The following CYP2J2 variants were observed in gnomAD, a reference collection of about 807,000 sequenced individuals.
CYP2J2 encodes cytochrome P450 2J2.
A neutral mutation model predicts 48.8 loss-of-function variants in CYP2J2; 41 were observed. The observed-to-expected ratio is 0.84, with a 90% confidence interval of 0.66 to 1.09. CYP2J2 has a LOEUF of 1.09. Among genes scored for constraint, CYP2J2 ranks in the 50% least tolerant of loss-of-function variants. CYP2J2 has a pLI of 0.00. For missense variants in CYP2J2, 644 were observed against 617.3 expected, an observed-to-expected ratio of 1.04 and a Z score of -0.46; for synonymous variants, 221 against 227.1, an observed-to-expected ratio of 0.97 and a Z score of 0.24.
the CYP2J2 span, among the ~76,000 whole-genome samples, chr1:59,947,386 T>C: frequency 3.2e-3 from 481 of 152,282 alleles, 7 homozygotes; most frequent in Admixed American, 0.028. Context: ...GCAGAAAAAG[T>C]GCATTCCCCT....
the CYP2J2 span, among the ~76,000 whole-genome samples, chr1:59,960,971 T>C: frequency 6.6e-5 from 10 of 152,308 alleles, no homozygotes; most frequent in Non-Finnish European, 1.0e-4. Flanking sequence ...CTCCACTTCA[T>C]ACTATACACA....
intron 7 of CYP2J2, among the ~76,000 whole-genome samples, chr1:59,903,552 A>C (rs541005665): frequency 6.6e-6 from 1 of 152,282 alleles, no homozygotes. Flanking sequence ...GGGTTGAAAA[A>C]CTACTAATTG....
At chr1:59,914,174 T>C (rs1252768763) in intron 2 of CYP2J2, among the ~76,000 whole-genome samples, 1 of 152,236 alleles carries the variant, frequency 6.6e-6, no homozygotes, top group Admixed American at 6.5e-5. Context: ...TATAGTTAAC[T>C]GATACTATTT....
At chr1:59,959,313 C>T in the CYP2J2 span, among the ~76,000 whole-genome samples, 1 of 152,110 alleles carries the variant, frequency 6.6e-6, no homozygotes, top group African/African-American at 2.4e-5. Flanking sequence ...CCACCTTCTC[C>T]ACCAGAATGT....
At chr1:59,907,222 T>C (rs949848160) in intron 6 of CYP2J2, among the ~76,000 whole-genome samples, 3 of 152,074 alleles carry the variant, frequency 2.0e-5, no homozygotes, top group African/African-American at 7.2e-5. Context: ...AACAGATTCT[T>C]CAAGAAGAGC....
intron 8 of CYP2J2, 25 bp downstream of exon 8, chr1:59,900,940 C>T: frequency 6.2e-7 from 1 of 1,607,782 alleles, no homozygotes; most frequent in Non-Finnish European, 8.5e-7. Context: ...CCTGGACTCC[C>T]ACACACCTGT....
At chr1:59,935,017 T>TATATATATATATATAC in the CYP2J2 span, among the ~76,000 whole-genome samples, 1 of 33,174 alleles carries the variant, frequency 3.0e-5, no homozygotes, top group Admixed American at 3.0e-4. Context: ...TATATATACA[T>TATATATATATATATAC]ATATATATAT....
At chr1:59,909,701 A>G in intron 5 of CYP2J2, 83 bp downstream of exon 5, 1 of 1,015,172 alleles carries the variant, frequency 9.9e-7, no homozygotes, top group South Asian at 1.7e-5. Flanking sequence ...GTTTGTGATC[A>G]TATTTTACAG....
chr1:59,905,637 C>T (rs1228180164), intron 6 of CYP2J2, among the ~76,000 whole-genome samples: 3 of 152,198 alleles, frequency 2.0e-5, no homozygotes, highest in African/African-American at 7.2e-5. Context: ...AACTCTTGCT[C>T]TACAACATTG....
At chr1:59,922,417 A>C (rs1047524235) in intron 1 of CYP2J2, among the ~76,000 whole-genome samples, 1 of 152,220 alleles carries the variant, frequency 6.6e-6, no homozygotes, top group Non-Finnish European at 1.5e-5. Context: ...AATTGCAAGA[A>C]TGTAAATTTA....
the CYP2J2 span, among the ~76,000 whole-genome samples, chr1:59,935,040 A>C: frequency 3.3e-5 from 4 of 121,424 alleles, no homozygotes; most frequent in East Asian, 9.2e-4. Context: ...ATATATATAT[A>C]TATATATATA....
chr1:59,917,762 T>C (rs530442541), intron 1 of CYP2J2, among the ~76,000 whole-genome samples: 2 of 152,304 alleles, frequency 1.3e-5, no homozygotes, highest in African/African-American at 4.8e-5. Flanking sequence ...CAACAGAGGG[T>C]CCCAGGTAGA....
At chr1:59,906,434 G>A (rs1336557103) in intron 6 of CYP2J2, among the ~76,000 whole-genome samples, 2 of 151,328 alleles carry the variant, frequency 1.3e-5, no homozygotes, top group Non-Finnish European at 1.5e-5. Context: ...TAATGGCTTT[G>A]CAAAGCCTAG....
chr1:59,926,810 C>T (rs1644570160), upstream of CYP2J2: 1 of 1,441,416 alleles, frequency 6.9e-7, no homozygotes, highest in South Asian at 1.2e-5. Flanking sequence ...GGCGACGGTC[C>T]CCGCCCCGCC....
chr1:59,965,331 T>C, the CYP2J2 span, among the ~76,000 whole-genome samples: 1 of 152,194 alleles, frequency 6.6e-6, no homozygotes, highest in East Asian at 1.9e-4. Flanking sequence ...TATAAAGCCC[T>C]GGGTTAGATG....
chr1:59,943,965 A>G, the CYP2J2 span, among the ~76,000 whole-genome samples: 1 of 152,226 alleles, frequency 6.6e-6, no homozygotes, highest in Non-Finnish European at 1.5e-5. Context: ...TAATTCCTTC[A>G]AAATGTAGCT....
chr1:59,967,679 G>A, the CYP2J2 span, among the ~76,000 whole-genome samples: 1,194 of 152,350 alleles, frequency 7.8e-3, 15 homozygotes, highest in African/African-American at 0.027. Flanking sequence ...TCTGCCTCCT[G>A]TGTCTCAGTT....
chr1:59,950,825 C>T, the CYP2J2 span, among the ~76,000 whole-genome samples: 2 of 152,178 alleles, frequency 1.3e-5, no homozygotes, highest in African/African-American at 4.8e-5. Flanking sequence ...CTCAATTCTC[C>T]TCCACATGTC....
intron 3 of CYP2J2, 63 bp from the exon 4 acceptor site, chr1:59,911,831 A>G (rs1644418771): frequency 6.6e-7 from 1 of 1,523,782 alleles, no homozygotes; most frequent in East Asian, 2.3e-5. Context: ...TCCTACTGAG[A>G]GTCTACTTTA....
Sources: gnomAD v4.1 joint callset for allele counts (sites outside exome capture counted in the v4.1 genomes callset) on GRCh38, gnomAD v4.1.1 for gene constraint, MANE v1.5 for transcripts, NCBI Gene and HGNC (gene_info 2026-07-23, HGNC 2026-07-21) for gene names.